The following PCNT variants were observed in gnomAD, a reference collection of about 807,000 sequenced individuals.
PCNT encodes kendrin.
PCNT carries 319 observed loss-of-function variants against 380.4 expected under a neutral mutation model. That is an observed-to-expected ratio of 0.84 (90% CI 0.77 to 0.92). PCNT has a LOEUF of 0.92. Ranked by LOEUF, PCNT falls within the 40% of genes least tolerant of loss-of-function variation. PCNT has a pLI of 0.00. For missense variants in PCNT, 4,400 were observed against 4,255.3 expected, an observed-to-expected ratio of 1.03 and a Z score of -0.95; for synonymous variants, 1,845 against 1,735.2, an observed-to-expected ratio of 1.06 and a Z score of -1.57.
At chr21:46,403,949 A>T (rs7275488) in intron 27 of PCNT, among the ~76,000 whole-genome samples, 224 of 130,776 alleles carry the variant, frequency 1.7e-3, no homozygotes, top group South Asian at 2.9e-3. Context: ...GTGAATGAAC[A>T]CAGCGTGGGA....
At position 46,390,981 on chromosome 21, in the gene PCNT, A is replaced by G. The variant is rs996748848; in HGVS notation, c.4003+149A>G. 18 of 1,168,422 alleles carry G rather than the reference A, an allele frequency of 1.5e-5. No homozygotes were observed. In the East Asian group the frequency reaches 2.6e-4, roughly 17 times the overall value. The allele number at this position is 1,168,422 out of a possible 1,614,324, so 72.4% of individuals were successfully genotyped here. A position where few individuals can be genotyped will look rare whatever the true frequency, so the allele number is the denominator to read the frequency against. On this transcript the variant is annotated intron_variant, in intron 20 of 46. Transcript: ENST00000359568. ...GGGAGGCACCCATGGTTTGGGAGGA[A>G]TGGGGTGGTCGGGAGCTGCTGCGGC...
chr21:46,428,327 C>T, intron 34 of PCNT, 68 bp from the exon 35 acceptor site: 1 of 1,432,662 alleles, frequency 7.0e-7, no homozygotes, highest in Non-Finnish European at 9.7e-7. Context: ...TGAGGGCGGG[C>T]AGCAGGGAAG....
chr21:46,433,247 G>A (rs1601193504), intron 38 of PCNT, among the ~76,000 whole-genome samples: 1 of 152,336 alleles, frequency 6.6e-6, no homozygotes, highest in South Asian at 2.1e-4. Flanking sequence ...GCCGGGCATG[G>A]TAGTGTGCAC....
intron 3 of PCNT, among the ~76,000 whole-genome samples, chr21:46,345,664 G>A (rs1157314157): frequency 2.0e-5 from 3 of 152,210 alleles, no homozygotes; most frequent in Non-Finnish European, 2.9e-5. Flanking sequence ...CACAGCATGT[G>A]TGAGCACCAT....
In PCNT at chr21:46,366,666, G is replaced by A. The variant is rs373190093; in HGVS notation, c.2692G>A (p.Ala898Thr). The change falls in exon 15 of 47, where the codon GCC becomes ACC. Residue 898 changes from alanine to threonine, a missense_variant. Ala to Thr is a moderately conservative substitution (Grantham distance 58, BLOSUM62 0). Coordinates refer to ENST00000359568, the MANE Select transcript of PCNT (RefSeq NM_006031.6). ...CCTGCAGGAGGCCCAGGAGCAGCATGCCCGTGAGCTGCAGCTCCTCCAGGA... is the reference window on the plus strand; with the variant it reads ...CCTGCAGGAGGCCCAGGAGCAGCATACCCGTGAGCTGCAGCTCCTCCAGGA... Reference protein sequence around the residue: ...AFLQEAQEQHARELQLLQERH... With the variant: ...AFLQEAQEQHTRELQLLQERH... The A allele has an allele frequency of 2.7e-5, 43 of 1,613,770 alleles. No homozygotes were observed. Among genetic ancestry groups the A allele is most frequent in the Non-Finnish European group, 3.2e-5 (38 of 1,179,956 alleles).
intron 27 of PCNT, among the ~76,000 whole-genome samples, chr21:46,404,021 TGTGTGTGTGTGGTGCCC>T (rs2086544047): frequency 3.0e-4 from 26 of 85,794 alleles, no homozygotes; most frequent in African/African-American, 1.4e-3. Flanking sequence ...GTGGGAGAAT[TGTGTGTGTGTGGTGCCC>T]ACGTGGCGCG....
intron 27 of PCNT, among the ~76,000 whole-genome samples, chr21:46,409,660 C>T (rs371432394): frequency 1.3e-5 from 2 of 152,158 alleles, no homozygotes; most frequent in Non-Finnish European, 2.9e-5. Flanking sequence ...GGTGCAGTGG[C>T]GCAGTCTCGG....
At position 46,324,918 on chromosome 21, in the gene PCNT, C is replaced by T. The variant is rs966960577; in HGVS notation, c.54+636C>T. On this transcript the variant is annotated intron_variant, in intron 1 of 46. Transcript: ENST00000359568. ...GCAGTCCTTACTGTGTGAAAGGCCCCCGCGGCGCTCCCGGCCGCCGTCTTC... is the reference window on the plus strand; with the variant it reads ...GCAGTCCTTACTGTGTGAAAGGCCCTCGCGGCGCTCCCGGCCGCCGTCTTC... 1.3e-5 allele frequency: 13 copies of T among 985,460 alleles called. No homozygotes were observed. In the Admixed American group the frequency reaches 4.9e-4, roughly 37 times the overall value. 61.0% of individuals were successfully genotyped at this position (985,460 alleles called of 1,614,324 possible). A position where few individuals can be genotyped will look rare whatever the true frequency, so the allele number is the denominator to read the frequency against.
intron 3 of PCNT, among the ~76,000 whole-genome samples, chr21:46,345,428 G>A (rs971398540): frequency 6.6e-6 from 1 of 152,124 alleles, no homozygotes; most frequent in African/African-American, 2.4e-5. Flanking sequence ...ATGTTGGCCA[G>A]GCTGGTCTCG....
chr21:46,421,885 C>T, intron 31 of PCNT, 85 bp from the exon 32 acceptor site: 1 of 1,474,944 alleles, frequency 6.8e-7, no homozygotes, highest in East Asian at 2.3e-5. Flanking sequence ...GCGGGCCGAT[C>T]ACCCCTGTCC....
chr21:46,357,659 C>T (rs961207550), intron 13 of PCNT, among the ~76,000 whole-genome samples: 1 of 152,296 alleles, frequency 6.6e-6, no homozygotes, highest in South Asian at 2.1e-4. Flanking sequence ...AAACGCCTGA[C>T]CTCAAGTGAT....
intron 27 of PCNT, among the ~76,000 whole-genome samples, chr21:46,404,825 C>T (rs910513454): frequency 6.6e-6 from 1 of 152,114 alleles, no homozygotes; most frequent in Non-Finnish European, 1.5e-5. Context: ...TGACACACCA[C>T]TCCGGAGACT....
Position 46,432,183 on chromosome 21 carries a change from T to C in PCNT, c.8719T>C (p.Trp2907Arg), listed in dbSNP as rs112722821. The part of the protein sequence containing the change: ...ARQSPAAAEQ[W>R]RKWQRDKEKL... ...GCAGAGCCCAGCGGCTGCGGAGCAG[T>C]GGAGGAAGTGGCAGAGAGACAAGGA... The change falls in exon 38 of 47, where the codon TGG becomes CGG. Residue 2907 changes from tryptophan to arginine, a missense_variant. Coordinates refer to ENST00000359568, the MANE Select transcript of PCNT (RefSeq NM_006031.6). 6.2e-7 allele frequency: 1 copy of C among 1,612,234 alleles called. No individual in the cohort carries two copies. The highest frequency in any genetic ancestry group is 8.5e-7 in the Non-Finnish European group (1 of 1,179,682).
chr21:46,416,957 T>A, intron 30 of PCNT, 118 bp downstream of exon 30: 1 of 959,790 alleles, frequency 1.0e-6, no homozygotes, highest in Non-Finnish European at 1.6e-6. Context: ...CAGTGCTGTG[T>A]GGGGCCAGCT....
intron 45 of PCNT, 106 bp from the exon 46 acceptor site, chr21:46,444,588 C>T (rs939420054): frequency 7.2e-6 from 9 of 1,257,004 alleles, no homozygotes; most frequent in African/African-American, 3.0e-5. Context: ...GTCTGGTTGG[C>T]GGGGCTGGTG....
chr21:46,420,058 G>C (rs1264690932), intron 31 of PCNT, among the ~76,000 whole-genome samples: 1 of 152,200 alleles, frequency 6.6e-6, no homozygotes, highest in African/African-American at 2.4e-5. Flanking sequence ...TCGCGTGCCT[G>C]TCCACTGCCT....
intron 1 of PCNT, 53 bp from the exon 2 acceptor site, chr21:46,326,324 T>A: frequency 6.4e-7 from 1 of 1,567,086 alleles, no homozygotes; most frequent in Non-Finnish European, 8.8e-7. Flanking sequence ...GTGGTTCTGT[T>A]ATTTTTTTCT....
At chr21:46,436,190 C>A in intron 39 of PCNT, 42 bp downstream of exon 39, 1 of 1,598,920 alleles carries the variant, frequency 6.3e-7, no homozygotes, top group Non-Finnish European at 8.5e-7. Context: ...TCCCTTGCAG[C>A]CACCCCTCTG....
intron 1 of PCNT, among the ~76,000 whole-genome samples, chr21:46,325,479 T>A (rs1044424213): frequency 1.3e-5 from 2 of 152,114 alleles, no homozygotes; most frequent in African/African-American, 4.8e-5. Flanking sequence ...ATAGGTGTGG[T>A]GGAGGAGGAC....
Sources: gnomAD v4.1 joint callset for allele counts (sites outside exome capture counted in the v4.1 genomes callset) on GRCh38, gnomAD v4.1.1 for gene constraint, MANE v1.5 for transcripts, NCBI Gene and HGNC (gene_info 2026-07-23, HGNC 2026-07-21) for gene names.